Variants in IQGAP2 observed in about 807,000 individuals in gnomAD.
IQGAP2 encodes ras GTPase-activating-like protein IQGAP2.
In IQGAP2, 173 loss-of-function variants were observed where a neutral mutation model predicts 201.3. That is an observed-to-expected ratio of 0.86 (90% CI 0.76 to 0.98). The LOEUF is 0.98. IQGAP2 is among the 50% of genes least tolerant of loss of function. The probability of loss-of-function intolerance (pLI) is 0.00; values close to 1 mark genes in which losing one functional copy is unlikely to be tolerated. For missense variants in IQGAP2, 1,687 were observed against 1,864.8 expected (o/e 0.90, Z 1.76); for synonymous variants, 675 against 673.9 (o/e 1.00, Z -0.03).
At chr5:76,534,744 C>T (rs1165152849) in intron 2 of IQGAP2, among the ~76,000 whole-genome samples, 1 of 152,184 alleles carries the variant, frequency 6.6e-6, no homozygotes, top group Non-Finnish European at 1.5e-5. Context: ...TACATCTCCC[C>T]ATTATTGTCC....
intron 13 of IQGAP2, chr5:76,617,800 T>G (rs1379761842): frequency 1.2e-6 from 2 of 1,613,732 alleles, no homozygotes; most frequent in South Asian, 2.2e-5. Flanking sequence ...ATGAGGAGAC[T>G]CGCCTTAACA....
chr5:76,536,511 G>C (rs918668250), intron 2 of IQGAP2, among the ~76,000 whole-genome samples: 2 of 151,844 alleles, frequency 1.3e-5, no homozygotes, highest in Admixed American at 6.6e-5. Context: ...TGTAATCCCA[G>C]CACTTTGGGA....
At chr5:76,609,369 A>G in intron 12 of IQGAP2, 1 of 750,148 alleles carries the variant, frequency 1.3e-6, no homozygotes, top group South Asian at 2.0e-5. Context: ...GAGTTCTGTC[A>G]ATGTTTACAG....
At position 76,683,773 on chromosome 5, in the gene IQGAP2, C is replaced by T. The variant is rs200628163; in HGVS notation, c.3764-3C>T. On this transcript the variant is annotated splice_region_variant and splice_polypyrimidine_tract_variant and intron_variant, in intron 29 of 35. Coordinates refer to ENST00000274364, the MANE Select transcript of IQGAP2 (RefSeq NM_006633.5). Reference sequence around the variant, plus strand: ...AAAATAACACTAGGTTTTTTCCCTACAGGGGAAGGAGCAGTTGACCCCAAT... The same window carrying T: ...AAAATAACACTAGGTTTTTTCCCTATAGGGGAAGGAGCAGTTGACCCCAAT... The T allele has an allele frequency of 7.7e-5, 124 of 1,606,312 alleles. 1 individual carries two copies. The Middle Eastern group carries it at 1.3e-3, about 17-fold the overall frequency.
At chr5:76,619,661 C>T (rs1217509868) in intron 13 of IQGAP2, among the ~76,000 whole-genome samples, 2 of 151,914 alleles carry the variant, frequency 1.3e-5, no homozygotes, top group East Asian at 1.9e-4. Context: ...GGACTACAAG[C>T]GCCCGCCACC....
At chr5:76,445,912 G>C (rs1385624571) in intron 1 of IQGAP2, among the ~76,000 whole-genome samples, 7 of 152,000 alleles carry the variant, frequency 4.6e-5, no homozygotes, top group Non-Finnish European at 8.8e-5. Context: ...GACTACTCTT[G>C]GTACCTCATA....
intron 3 of IQGAP2, among the ~76,000 whole-genome samples, chr5:76,563,355 C>T (rs72777511): frequency 0.024 from 3,600 of 152,030 alleles, 62 homozygotes; most frequent in Middle Eastern, 0.044. Flanking sequence ...ATAAAAATCC[C>T]GATTTTTTAG....
intron 16 of IQGAP2, among the ~76,000 whole-genome samples, chr5:76,638,113 A>T (rs2432182): frequency 6.6e-6 from 1 of 152,216 alleles, no homozygotes; most frequent in Non-Finnish European, 1.5e-5. Context: ...CTATTAGGAC[A>T]TTTGTTAGTT....
chr5:76,687,952 G>GA (rs1319316409), intron 30 of IQGAP2, among the ~76,000 whole-genome samples: 11 of 152,132 alleles, frequency 7.2e-5, no homozygotes, highest in African/African-American at 2.2e-4. Flanking sequence ...CCTGTCCATG[G>GA]AAAAATTGTC....
chr5:76,682,937 A>G (rs968749306), intron 28 of IQGAP2, among the ~76,000 whole-genome samples, 178 bp from the exon 29 acceptor site: 1 of 152,216 alleles, frequency 6.6e-6, no homozygotes, highest in Non-Finnish European at 1.5e-5. Flanking sequence ...GATGTAGAGT[A>G]GGTGCTTCCC....
intron 2 of IQGAP2, among the ~76,000 whole-genome samples, chr5:76,496,743 T>TTC (rs1756958166): frequency 3.8e-5 from 2 of 52,396 alleles, no homozygotes; most frequent in Admixed American, 2.3e-4. Flanking sequence ...CTTTCTTTCT[T>TTC]TCTTTCTTTC....
intron 15 of IQGAP2, among the ~76,000 whole-genome samples, chr5:76,635,693 A>G (rs1580682990): frequency 6.6e-6 from 1 of 152,092 alleles, no homozygotes; most frequent in East Asian, 1.9e-4. Context: ...AAATACAAAA[A>G]ATTAGCCAGG....
At chr5:76,631,038 G>A (rs457233) in intron 14 of IQGAP2, among the ~76,000 whole-genome samples, 86,435 of 151,580 alleles carry the variant, frequency 0.57, 24,671 homozygotes, top group South Asian at 0.63. Context: ...GAAAAAAAGA[G>A]AAAGCATCCG....
At chr5:76,680,027 A>C (rs997465537) in intron 28 of IQGAP2, among the ~76,000 whole-genome samples, 9 of 152,210 alleles carry the variant, frequency 5.9e-5, no homozygotes, top group African/African-American at 2.2e-4. Flanking sequence ...TCCATGTGTC[A>C]GGGAAATGTT....
At chr5:76,496,215 T>A (rs1756882003) in intron 2 of IQGAP2, among the ~76,000 whole-genome samples, 1 of 152,202 alleles carries the variant, frequency 6.6e-6, no homozygotes, top group African/African-American at 2.4e-5. Flanking sequence ...CATCTAATGG[T>A]TTCTTTAGCT....
At chr5:76,435,698 A>AT (rs549227982) in intron 1 of IQGAP2, among the ~76,000 whole-genome samples, 17 of 151,230 alleles carry the variant, frequency 1.1e-4, no homozygotes, top group African/African-American at 2.2e-4. Context: ...GAACTTTAGG[A>AT]TTTTTTTTTC....
intron 2 of IQGAP2, among the ~76,000 whole-genome samples, chr5:76,502,411 C>G (rs915541038): frequency 6.6e-6 from 1 of 152,180 alleles, no homozygotes; most frequent in African/African-American, 2.4e-5. Flanking sequence ...GGAAAATTCC[C>G]TGCCTGTGAC....
Position 76,637,175 on chromosome 5 carries a change from A to G in IQGAP2, c.1922A>G (p.Glu641Gly). The change falls in exon 16 of 36, where the codon GAG becomes GGG. Residue 641 changes from glutamate (E) to glycine (G), a missense_variant and splice_region_variant. Transcript: ENST00000274364. ...KESWLTGKEI[E>G]DIIEEVTVGY... Reference sequence around the variant, plus strand: ...TCATGGCTCACAGGAAAAGAAATCGAGGTAGGAGGTTGGTGTTTGATGGAT... The same window carrying G: ...TCATGGCTCACAGGAAAAGAAATCGGGGTAGGAGGTTGGTGTTTGATGGAT... 1 of 1,600,200 alleles carries G rather than the reference A, an allele frequency of 6.2e-7. No individual in the cohort carries two copies. The highest frequency in any genetic ancestry group is 1.8e-5 in the Admixed American group (1 of 57,138).
At chr5:76,501,643 C>CTTT (rs56929376) in intron 2 of IQGAP2, among the ~76,000 whole-genome samples, 13 of 101,134 alleles carry the variant, frequency 1.3e-4, no homozygotes, top group Admixed American at 3.8e-4. Context: ...TTTTCCTTTT[C>CTTT]TTTTTTTTTT....
Sources: gnomAD v4.1 joint callset for allele counts (sites outside exome capture counted in the v4.1 genomes callset) on GRCh38, gnomAD v4.1.1 for gene constraint, MANE v1.5 for transcripts, NCBI Gene and HGNC (gene_info 2026-07-23, HGNC 2026-07-21) for gene names.